BCAS1: variants seen among roughly 807,000 people sequenced by gnomAD.
The protein encoded by BCAS1 is brain enriched myelin associated protein 1, also known as breast carcinoma-amplified sequence 1.
Under a neutral mutation model 65.4 loss-of-function variants are expected in BCAS1, and 46 were observed. That is an observed-to-expected ratio of 0.70 (90% CI 0.55 to 0.90). BCAS1 has a LOEUF of 0.90. BCAS1 is among the 40% of genes least tolerant of loss of function. The pLI, the probability that BCAS1 is intolerant of heterozygous loss-of-function variation, is 0.00. For missense variants in BCAS1, 793 were observed against 771.2 expected (o/e 1.03, Z -0.33); for synonymous variants, 298 against 293.5 (o/e 1.02, Z -0.16).
At chr20:54,057,991 C>G in intron 3 of BCAS1, 94 bp downstream of exon 3, 1 of 969,664 alleles carries the variant, frequency 1.0e-6, no homozygotes, top group East Asian at 2.6e-5. Context: ...GCGGCTTCGA[C>G]CCTTTCATTT....
intron 3 of BCAS1, among the ~76,000 whole-genome samples, chr20:54,042,307 C>T (rs1014197400): frequency 4.6e-5 from 7 of 152,036 alleles, no homozygotes; most frequent in Middle Eastern, 3.4e-3. Context: ...GCTTAGTACC[C>T]GGGTGAAAAA....
chr20:54,003,258 G>A (rs1424782887), intron 4 of BCAS1, among the ~76,000 whole-genome samples: 6 of 141,316 alleles, frequency 4.2e-5, no homozygotes, highest in African/African-American at 1.3e-4. Context: ...CAATGAAAAT[G>A]CCATACAATT....
chr20:53,969,652 A>G (rs2090128804), intron 9 of BCAS1, among the ~76,000 whole-genome samples: 1 of 152,182 alleles, frequency 6.6e-6, no homozygotes, highest in South Asian at 2.1e-4. Flanking sequence ...GTGGCTCCAC[A>G]ATATCTCTAA....
intron 3 of BCAS1, among the ~76,000 whole-genome samples, chr20:54,043,042 T>C (rs2092028547): frequency 6.6e-6 from 1 of 152,204 alleles, no homozygotes. Flanking sequence ...CTGGAGCTGA[T>C]GTAACTCTCA....
chr20:54,053,190 T>C (rs1486052874), intron 3 of BCAS1, among the ~76,000 whole-genome samples: 3 of 152,324 alleles, frequency 2.0e-5, no homozygotes, highest in South Asian at 2.1e-4. Context: ...GCTAGAAATA[T>C]AACATAAGCA....
rs13038555 is a variant in BCAS1, at chr20:53,949,204, G to A, written c.1816-4208C>T. 3.4e-3 allele frequency among the ~76,000 whole-genome samples: 288 copies of A among 84,342 alleles called. 1 individual carries two copies. Among genetic ancestry groups the A allele is most frequent in the South Asian group, 0.025 (67 of 2,734 alleles). 55.3% of individuals were successfully genotyped at this position (84,342 alleles called of 152,430 possible). On this transcript the variant is annotated intron_variant, in intron 12 of 12. Coordinates refer to ENST00000688948, the MANE Select transcript of BCAS1 (RefSeq NM_001366298.2). ...TGTGTGTGCGTATATGCATATATCCGCACACACACACACACACACCCAGGT... is the reference window on the plus strand; with the variant it reads ...TGTGTGTGCGTATATGCATATATCCACACACACACACACACACACCCAGGT...
chr20:53,972,265 CTTAT>C (rs1368339003), intron 9 of BCAS1, among the ~76,000 whole-genome samples: 2 of 152,158 alleles, frequency 1.3e-5, no homozygotes, highest in African/African-American at 2.4e-5. Context: ...TGCCTTCTCT[CTTAT>C]TTAAGAGAGG....
chr20:53,984,517 G>T (rs1057468843), intron 8 of BCAS1, among the ~76,000 whole-genome samples: 7 of 152,194 alleles, frequency 4.6e-5, no homozygotes, highest in African/African-American at 1.7e-4. Context: ...TGTGCCAAGT[G>T]CGATAGATGT....
intron 3 of BCAS1, among the ~76,000 whole-genome samples, chr20:54,043,830 A>T (rs1001024901): frequency 6.6e-6 from 1 of 152,138 alleles, no homozygotes; most frequent in Non-Finnish European, 1.5e-5. Context: ...AGTCACTGCT[A>T]TTGGGCACTG....
intron 3 of BCAS1, among the ~76,000 whole-genome samples, chr20:54,051,043 T>A (rs1441838918): frequency 2.0e-5 from 3 of 152,062 alleles, no homozygotes; most frequent in African/African-American, 7.2e-5. Flanking sequence ...AGCTTTTGAG[T>A]GAAAAAGGTA....
intron 7 of BCAS1, among the ~76,000 whole-genome samples, chr20:53,985,939 G>A (rs1234609521): frequency 6.6e-6 from 1 of 152,136 alleles, no homozygotes; most frequent in Non-Finnish European, 1.5e-5. Flanking sequence ...ATCAAAATTA[G>A]AAATTAAAGG....
intron 1 of BCAS1, chr20:54,068,275 T>C (rs910942102): frequency 6.5e-6 from 1 of 154,416 alleles, no homozygotes; most frequent in African/African-American, 2.4e-5. Flanking sequence ...AAACGGATGG[T>C]AATCCTAAAA....
At position 53,992,625 on chromosome 20, in the gene BCAS1, A is replaced by G. The variant is rs748490671; in HGVS notation, c.949T>C (p.Cys317Arg). ...EDTASKAESV[C>R]DGQAGQKTSE... ...GTCTTCTGACCAGCTTGTCCATCACAGACACTTTCTGCTTTCGATGCCTTT... is the reference window on the plus strand; with the variant it reads ...GTCTTCTGACCAGCTTGTCCATCACGGACACTTTCTGCTTTCGATGCCTTT... Residue 317 changes from cysteine (C) to arginine (R), a missense_variant, in exon 7 of 13, where the codon TGT becomes CGT. Cys to Arg is a radical substitution (Grantham distance 180). Coordinates refer to ENST00000688948, the MANE Select transcript of BCAS1 (RefSeq NM_001366298.2). The G allele has an allele frequency of 7.3e-7, 1 of 1,365,924 alleles. No individual in the cohort carries two copies. The highest frequency in any genetic ancestry group is 9.8e-7 in the Non-Finnish European group (1 of 1,021,718). 84.6% of individuals were successfully genotyped at this position (1,365,924 alleles called of 1,614,324 possible). A position where few individuals can be genotyped will look rare whatever the true frequency, so the allele number is the denominator to read the frequency against.
At chr20:53,982,318 A>G (rs2090503441) in intron 8 of BCAS1, among the ~76,000 whole-genome samples, 1 of 152,230 alleles carries the variant, frequency 6.6e-6, no homozygotes, top group South Asian at 2.1e-4. Context: ...TAAATGGCAT[A>G]TTTACTCCAG....
At chr20:54,038,561 T>A (rs2091937580) in intron 3 of BCAS1, among the ~76,000 whole-genome samples, 1 of 151,328 alleles carries the variant, frequency 6.6e-6, no homozygotes, top group Non-Finnish European at 1.5e-5. Context: ...GGCACACCAA[T>A]GAACAGGTTG....
intron 11 of BCAS1, among the ~76,000 whole-genome samples, chr20:53,955,231 C>T (rs923642509): frequency 1.1e-4 from 16 of 152,178 alleles, no homozygotes; most frequent in South Asian, 2.1e-4. Flanking sequence ...AGGCCTCCAC[C>T]GGTGCTCTTC....
chr20:53,963,536 A>G (rs1008187924), intron 10 of BCAS1, among the ~76,000 whole-genome samples: 1 of 152,182 alleles, frequency 6.6e-6, no homozygotes, highest in Non-Finnish European at 1.5e-5. Flanking sequence ...CAGAAAATCA[A>G]TGATTTGGTG....
Position 54,028,437 on chromosome 20 carries a change from C to T in BCAS1, c.678G>A (p.Glu226=), listed in dbSNP as rs1354477883. 3 of 1,614,226 alleles carry T rather than the reference C, an allele frequency of 1.9e-6. No individual in the cohort carries two copies. The highest frequency in any genetic ancestry group is 1.7e-5 in the Admixed American group (1 of 60,026). Residue 226 remains glutamate, a synonymous_variant, in exon 4 of 13, where the codon GAG becomes GAA. Coordinates refer to ENST00000688948, the MANE Select transcript of BCAS1 (RefSeq NM_001366298.2). ...KRAEHQDKVD[E]VPGLSGQSDD... is the part of the protein sequence containing the mutation. Reference sequence around the variant, plus strand: ...CGGACTGCCCTGATAAGCCAGGAACCTCATCCACCTTGTCTTGATGCTCTG... The same window carrying T: ...CGGACTGCCCTGATAAGCCAGGAACTTCATCCACCTTGTCTTGATGCTCTG...
chr20:54,029,995 T>C (rs1487744433), intron 3 of BCAS1, among the ~76,000 whole-genome samples: 6 of 152,214 alleles, frequency 3.9e-5, no homozygotes, highest in Non-Finnish European at 7.3e-5. Context: ...GAAGGCAAAT[T>C]AGACCTCAGG....
Sources: gnomAD v4.1 joint callset for allele counts (sites outside exome capture counted in the v4.1 genomes callset) on GRCh38, gnomAD v4.1.1 for gene constraint, MANE v1.5 for transcripts, NCBI Gene and HGNC (gene_info 2026-07-23, HGNC 2026-07-21) for gene names.